The following P4HA3 variants were observed in gnomAD, a reference collection of about 807,000 sequenced individuals.
P4HA3 encodes prolyl 4-hydroxylase subunit alpha-3.
In P4HA3, 60 loss-of-function variants were observed where a neutral mutation model predicts 66.7. That is an observed-to-expected ratio of 0.90 (90% CI 0.73 to 1.12). P4HA3 has a LOEUF of 1.12. Ranked by LOEUF, P4HA3 falls within the 50% of genes most tolerant of loss-of-function variation. P4HA3 has a pLI of 0.00. For missense variants in P4HA3, 683 were observed against 685.8 expected, an observed-to-expected ratio of 1.00 and a Z score of 0.05; for synonymous variants, 263 against 274.6, an observed-to-expected ratio of 0.96 and a Z score of 0.42.
chr11:74,283,765 C>CTTCT (rs1362846493), intron 7 of P4HA3, among the ~76,000 whole-genome samples: 1 of 152,220 alleles, frequency 6.6e-6, no homozygotes, highest in African/African-American at 2.4e-5. Flanking sequence ...CCTTTGCTAC[C>CTTCT]TTCTTTCTCT....
chr11:74,311,528 G>T lies in P4HA3; in HGVS notation c.84C>A (p.Gly28=). The change falls in exon 1 of 13, where the codon GGC becomes GGA. Residue 28 remains glycine, a synonymous_variant. Transcript: ENST00000331597. ...TGDPERAAAR[G]DTFSALTSVA... ...CGCTGGTCAGCGCCGAGAACGTGTC[G>T]CCCCGAGCCGCAGCCCTTTCTGGGT... 2 of 1,541,086 alleles carry T rather than the reference G, an allele frequency of 1.3e-6. No homozygotes were observed. Among genetic ancestry groups the T allele is most frequent in the South Asian group, 1.2e-5 (1 of 83,980 alleles).
intron 10 of P4HA3, 44 bp downstream of exon 10, chr11:74,273,501 A>G (rs1860277200): frequency 1.5e-6 from 2 of 1,372,142 alleles, no homozygotes; most frequent in Non-Finnish European, 1.9e-6. Flanking sequence ...AATAAAGTAG[A>G]GCTATAGTCA....
At position 74,267,156 on chromosome 11, in the gene P4HA3, G is replaced by C; in HGVS notation, c.*92C>G. ...AGCTGACAAGGCCTTCTTCCAGGAGGCTGCTCTGCTTTCTCCTCTCCTACC... is the reference window on the plus strand; with the variant it reads ...AGCTGACAAGGCCTTCTTCCAGGAGCCTGCTCTGCTTTCTCCTCTCCTACC... On this transcript the variant is annotated 3_prime_UTR_variant, in exon 13 of 13. Coordinates refer to ENST00000331597, the MANE Select transcript of P4HA3 (RefSeq NM_182904.5). 1.3e-6 allele frequency: 2 copies of C among 1,589,924 alleles called. No individual in the cohort carries two copies. The highest frequency in any genetic ancestry group is 1.7e-6 in the Non-Finnish European group (2 of 1,170,022).
chr11:74,281,259 C>G (rs867233357), intron 7 of P4HA3, among the ~76,000 whole-genome samples: 4 of 150,372 alleles, frequency 2.7e-5, no homozygotes, highest in Non-Finnish European at 6.0e-5. Context: ...AATAGGAACA[C>G]TTTTACACTG....
Position 74,266,722 on chromosome 11 carries a change from T to A in P4HA3, c.*526A>T, listed in dbSNP as rs546916045. The A allele has an allele frequency of 4.6e-6, 1 of 219,720 alleles. No homozygotes were observed. Among genetic ancestry groups the A allele is most frequent in the African/African-American group, 2.3e-5 (1 of 43,976 alleles). The allele number at this position is 219,720 out of a possible 1,614,324, so 13.6% of individuals were successfully genotyped here. ...CATACAAAAAGAAAAGAAAGTTGTT[T>A]TCAACTTAAAAAAAATCCTTATATA... On this transcript the variant is annotated 3_prime_UTR_variant, in exon 13 of 13. Coordinates refer to ENST00000331597, the MANE Select transcript of P4HA3 (RefSeq NM_182904.5).
At chr11:74,304,242 C>T in intron 2 of P4HA3, 28 bp downstream of exon 2, 1 of 1,612,224 alleles carries the variant, frequency 6.2e-7, no homozygotes. Flanking sequence ...AATCTTCTCT[C>T]TTACCCTCCA....
At chr11:74,301,842 C>T (rs1449734653) in intron 3 of P4HA3, among the ~76,000 whole-genome samples, 1 of 152,128 alleles carries the variant, frequency 6.6e-6, no homozygotes, top group Non-Finnish European at 1.5e-5. Context: ...TTTTGTACTT[C>T]CAAATGCTTA....
At chr11:74,284,924 T>C (rs1264010601) in intron 7 of P4HA3, among the ~76,000 whole-genome samples, 1 of 152,208 alleles carries the variant, frequency 6.6e-6, no homozygotes, top group Non-Finnish European at 1.5e-5. Context: ...GGAGACTCAG[T>C]TGAAGCCCTG....
intron 15 of P4HA3, chr11:74,250,737 T>G: frequency 5.6e-6 from 3 of 533,634 alleles, no homozygotes; most frequent in Non-Finnish European, 1.0e-5. Context: ...AAATGTACAC[T>G]AAATAGGACA....
intron 10 of P4HA3, among the ~76,000 whole-genome samples, chr11:74,271,054 T>C (rs1403791333): frequency 6.6e-6 from 1 of 152,228 alleles, no homozygotes; most frequent in Non-Finnish European, 1.5e-5. Flanking sequence ...TGCCTAGCAT[T>C]ATCTACCAGA....
intron 9 of P4HA3, among the ~76,000 whole-genome samples, chr11:74,274,722 G>A (rs1224663632): frequency 6.6e-6 from 1 of 152,142 alleles, no homozygotes; most frequent in Admixed American, 6.6e-5. Context: ...TGAAATGGCT[G>A]GATCATAAGT....
chr11:74,270,874 C>T (rs994553490), intron 10 of P4HA3, among the ~76,000 whole-genome samples: 4 of 152,116 alleles, frequency 2.6e-5, no homozygotes, highest in Non-Finnish European at 5.9e-5. Context: ...CACTGAACAA[C>T]TTAATGAAAA....
rs571764703 is a variant in P4HA3 at position 74,311,568 on chromosome 11, G to A, written c.44C>T (p.Ala15Val). Reference sequence around the variant, plus strand: ...CCTTTCTGGGTCTCCTGTCCCGAGCGCCAGCACCGCCAGCAGCGCCGCCAG... The same window carrying A: ...CCTTTCTGGGTCTCCTGTCCCGAGCACCAGCACCGCCAGCAGCGCCGCCAG... ...ARLAALLAVL[A>V]LGTGDPERAA... The change falls in exon 1 of 13, where the codon GCG (alanine) becomes GTG (valine). Residue 15 changes from alanine to valine, a missense_variant. Coordinates refer to ENST00000331597, the MANE Select transcript of P4HA3 (RefSeq NM_182904.5). 276 of 1,532,304 alleles carry A rather than the reference G, an allele frequency of 1.8e-4. No homozygotes were observed. Among genetic ancestry groups the A allele is most frequent in the Non-Finnish European group, 2.1e-4 (238 of 1,150,552 alleles). 94.9% of individuals were successfully genotyped at this position (1,532,304 alleles called of 1,614,324 possible). A position where few individuals can be genotyped will look rare whatever the true frequency, so the allele number is the denominator to read the frequency against.
chr11:74,268,271 G>A (rs369356583), intron 11 of P4HA3, 30 bp from the exon 12 acceptor site: 299 of 1,583,668 alleles, frequency 1.9e-4, no homozygotes, highest in Admixed American at 3.5e-4. Flanking sequence ...CCCCAGGGAG[G>A]GTCAGCCCAG....
At chr11:74,256,940 G>T (rs936525595) in intron 15 of P4HA3, among the ~76,000 whole-genome samples, 1 of 152,028 alleles carries the variant, frequency 6.6e-6, no homozygotes, top group Non-Finnish European at 1.5e-5. Flanking sequence ...AAGCAAACCC[G>T]AGCACCCAAT....
At chr11:74,306,150 G>T (rs1298739308) in intron 1 of P4HA3, among the ~76,000 whole-genome samples, 1 of 152,138 alleles carries the variant, frequency 6.6e-6, no homozygotes, top group Non-Finnish European at 1.5e-5. Context: ...GTTCAAGGAA[G>T]GAGTTTAGGA....
downstream of P4HA3, among the ~76,000 whole-genome samples, chr11:74,262,961 C>T (rs940212367): frequency 1.3e-5 from 2 of 152,246 alleles, no homozygotes; most frequent in South Asian, 2.1e-4. Flanking sequence ...GAAAGAGGGA[C>T]AAGCAGGGTG....
chr11:74,271,531 C>T (rs1386040460), intron 10 of P4HA3, among the ~76,000 whole-genome samples: 1 of 148,924 alleles, frequency 6.7e-6, no homozygotes, highest in Admixed American at 6.7e-5. Flanking sequence ...TGGGGCTGAT[C>T]TTTTTTTTTT....
intron 14 of P4HA3, among the ~76,000 whole-genome samples, chr11:74,260,779 TAATC>T (rs2135695972): frequency 6.6e-6 from 1 of 152,302 alleles, no homozygotes; most frequent in South Asian, 2.1e-4. Context: ...GGACAAATGT[TAATC>T]TAAGGACCTG....
Sources: gnomAD v4.1 joint callset for allele counts (sites outside exome capture counted in the v4.1 genomes callset) on GRCh38, gnomAD v4.1.1 for gene constraint, MANE v1.5 for transcripts, NCBI Gene and HGNC (gene_info 2026-07-23, HGNC 2026-07-21) for gene names.